CEP112: variants seen among roughly 807,000 people sequenced by gnomAD.
The protein encoded by CEP112 is centrosomal protein of 112 kDa.
In CEP112, 127 loss-of-function variants were observed where a neutral mutation model predicts 153.0. The observed-to-expected ratio is 0.83, with a 90% CI of 0.72 to 0.96. The LOEUF (loss-of-function observed/expected upper bound fraction) is 0.96. Ranked by LOEUF, CEP112 falls within the 40% of genes least tolerant of loss-of-function variation. The pLI, the probability that CEP112 is intolerant of heterozygous loss-of-function variation, is 0.00. For missense variants in CEP112, 1,089 were observed against 1,101.2 expected (o/e 0.99, Z 0.16); for synonymous variants, 358 against 374.4 (o/e 0.96, Z 0.51).
rs1298735370 is a variant in CEP112 at position 66,176,826 on chromosome 17, C to T, written c.297+4G>A. 1 of 1,596,162 alleles carries T rather than the reference C, an allele frequency of 6.3e-7. No individual in the cohort carries two copies. Among genetic ancestry groups the T allele is most frequent in the Non-Finnish European group, 8.5e-7 (1 of 1,173,014 alleles). On this transcript the variant is annotated splice_donor_region_variant and intron_variant, in intron 3 of 26. Coordinates refer to ENST00000535342, the MANE Select transcript of CEP112 (RefSeq NM_001199165.4). ...ATATATACCTTTTGTTCATTGATAC[C>T]TACCATGTATGAAGGTAGAATTTTT...
chr17:65,747,073 C>A lies in CEP112; in HGVS notation c.2457+3589G>T, dbSNP rs9911573. 9.2e-4 allele frequency among the ~76,000 whole-genome samples: 127 copies of A among 138,118 alleles called. 1 individual carries two copies. The highest frequency in any genetic ancestry group is 2.8e-3 in the African/African-American group (94 of 33,778). The allele number at this position is 138,118 out of a possible 152,430, so 90.6% of individuals were successfully genotyped here. A position where few individuals can be genotyped will look rare whatever the true frequency, so the allele number is the denominator to read the frequency against. ...AATGTTAGTGGTCTTAAAAAAAAAACAAAAACAGGATCCTAAATAGGGGTT... is the reference window on the plus strand; with the variant it reads ...AATGTTAGTGGTCTTAAAAAAAAAAAAAAAACAGGATCCTAAATAGGGGTT... On this transcript the variant is annotated intron_variant, in intron 22 of 26. Coordinates refer to ENST00000535342, the MANE Select transcript of CEP112 (RefSeq NM_001199165.4).
intron 18 of CEP112, among the ~76,000 whole-genome samples, chr17:65,949,825 T>C (rs1299930527): frequency 1.3e-5 from 2 of 152,172 alleles, no homozygotes; most frequent in Admixed American, 6.5e-5. Flanking sequence ...TTTGTCTGGA[T>C]AGGGTTCTTA....
At chr17:65,859,311 G>A (rs920675024) in intron 20 of CEP112, among the ~76,000 whole-genome samples, 1 of 151,776 alleles carries the variant, frequency 6.6e-6, no homozygotes, top group African/African-American at 2.4e-5. Context: ...GGGGTGGCAG[G>A]TGCCTGTAAT....
At chr17:65,920,204 G>T (rs6504374) in intron 19 of CEP112, among the ~76,000 whole-genome samples, 5,530 of 150,164 alleles carry the variant, frequency 0.037, 309 homozygotes, top group African/African-American at 0.11. Flanking sequence ...AATTAGCCAG[G>T]AGTGGTGGCG....
Position 65,686,113 on chromosome 17 carries a change from C to CTTTTTT in CEP112, c.2697+3010_2697+3015dup, listed in dbSNP as rs35816434. ...TATGCAGTTTAATTGAAACAACTGG[C>CTTTTTT]TTTTTTTTTTTTTTTTTTTTTCAGC... On this transcript the variant is annotated intron_variant, in intron 24 of 26. Coordinates refer to ENST00000535342, the MANE Select transcript of CEP112 (RefSeq NM_001199165.4). Among the ~76,000 whole-genome samples, 2 of 104,322 alleles carry CTTTTTT rather than the reference C, an allele frequency of 1.9e-5. 1 individual carries two copies. Among genetic ancestry groups the CTTTTTT allele is most frequent in the African/African-American group, 7.1e-5 (2 of 28,342 alleles). The allele number at this position is 104,322 out of a possible 152,430, so 68.4% of individuals were successfully genotyped here.
chr17:65,679,935 T>C (rs1361728498), intron 24 of CEP112, among the ~76,000 whole-genome samples: 1 of 152,216 alleles, frequency 6.6e-6, no homozygotes, highest in Non-Finnish European at 1.5e-5. Flanking sequence ...CGAAAGCTAC[T>C]TATACTAAAG....
intron 24 of CEP112, among the ~76,000 whole-genome samples, chr17:65,679,454 C>T (rs922510701): frequency 2.6e-5 from 4 of 152,040 alleles, no homozygotes; most frequent in Middle Eastern, 3.2e-3. Flanking sequence ...GTTTTCATAA[C>T]GTGCTTTGGG....
chr17:66,043,097 TTAACC>T, intron 12 of CEP112: 1 of 981,258 alleles, frequency 1.0e-6, no homozygotes, highest in Non-Finnish European at 1.2e-6. Context: ...TTAACCTACC[TTAACC>T]TACCATAGAG....
chr17:65,972,276 A>G (rs1019284349), intron 17 of CEP112, among the ~76,000 whole-genome samples: 2 of 152,238 alleles, frequency 1.3e-5, no homozygotes, highest in Non-Finnish European at 2.9e-5. Flanking sequence ...TGGAAACTAA[A>G]TAATGTTTTT....
chr17:65,732,615 C>G (rs534650840), intron 23 of CEP112, among the ~76,000 whole-genome samples: 7 of 152,200 alleles, frequency 4.6e-5, no homozygotes, highest in Non-Finnish European at 8.8e-5. Flanking sequence ...AGTGTAGTCA[C>G]CTTCATCAAT....
At chr17:65,804,968 C>G (rs1367301920) in intron 21 of CEP112, among the ~76,000 whole-genome samples, 1 of 151,920 alleles carries the variant, frequency 6.6e-6, no homozygotes, top group African/African-American at 2.4e-5. Context: ...CCCACCTCAG[C>G]CTCCAGAGTA....
intron 21 of CEP112, among the ~76,000 whole-genome samples, chr17:65,817,086 T>C (rs563302265): frequency 2.0e-4 from 31 of 152,062 alleles, no homozygotes; most frequent in African/African-American, 7.0e-4. Flanking sequence ...TGTTTTTTTC[T>C]GCCTCACTTA....
chr17:65,726,157 G>A (rs996340753), intron 23 of CEP112, among the ~76,000 whole-genome samples: 1 of 152,000 alleles, frequency 6.6e-6, no homozygotes, highest in Non-Finnish European at 1.5e-5. Context: ...TGGCCAACAT[G>A]GTGAAACCCC....
At chr17:65,643,160 T>G (rs1243717185) in intron 24 of CEP112, among the ~76,000 whole-genome samples, 2 of 152,328 alleles carry the variant, frequency 1.3e-5, no homozygotes, top group African/African-American at 4.8e-5. Flanking sequence ...GAGGGGCTTA[T>G]TGGAGGGCCT....
intron 17 of CEP112, among the ~76,000 whole-genome samples, chr17:65,985,269 G>A (rs1568339289): frequency 6.6e-6 from 1 of 152,194 alleles, no homozygotes; most frequent in Admixed American, 6.6e-5. Flanking sequence ...GGAGGAAGAT[G>A]CAATAATTGT....
chr17:65,885,694 A>C (rs2059251679), intron 20 of CEP112, among the ~76,000 whole-genome samples: 1 of 152,232 alleles, frequency 6.6e-6, no homozygotes, highest in African/African-American at 2.4e-5. Flanking sequence ...GATATTTCTG[A>C]CTAAGACTCT....
chr17:66,176,530 C>A, intron 3 of CEP112: 1 of 204,338 alleles, frequency 4.9e-6, no homozygotes, highest in Admixed American at 5.8e-5. Context: ...TAAAAATTAC[C>A]ATTACAATCC....
chr17:66,093,313 G>A (rs2068215659), intron 8 of CEP112, among the ~76,000 whole-genome samples: 1 of 152,100 alleles, frequency 6.6e-6, no homozygotes, highest in Admixed American at 6.6e-5. Context: ...CTGTACTCCA[G>A]CCTAAGCAAC....
At chr17:65,879,211 C>T (rs1266145289) in intron 20 of CEP112, among the ~76,000 whole-genome samples, 5 of 152,140 alleles carry the variant, frequency 3.3e-5, no homozygotes, top group Admixed American at 1.3e-4. Flanking sequence ...CATGAGGGTC[C>T]ATATCACAGC....
Sources: allele counts gnomAD v4.1 joint callset (sites outside exome capture counted in the v4.1 genomes callset), GRCh38; gene constraint gnomAD v4.1.1; transcripts MANE v1.5; gene names NCBI Gene and HGNC (gene_info 2026-07-23, HGNC 2026-07-21).